PDE1C: variants seen among roughly 807,000 people sequenced by gnomAD.
The protein encoded by PDE1C is dual specificity calcium/calmodulin-dependent 3',5'-cyclic nucleotide phosphodiesterase 1C.
In PDE1C, 62 loss-of-function variants were observed where a neutral mutation model predicts 93.1. That is an observed-to-expected ratio of 0.67 (90% CI 0.54 to 0.82). The LOEUF (loss-of-function observed/expected upper bound fraction) is 0.82, where lower values mean the gene tolerates loss of function less well. Among genes scored for constraint, PDE1C ranks in the 40% least tolerant of loss-of-function variants. PDE1C has a pLI of 0.00. For missense variants in PDE1C, 742 were observed against 884.6 expected (o/e 0.84, Z 2.04); for synonymous variants, 325 against 310.1 (o/e 1.05, Z -0.50).
chr7:31,735,389 ACT>A, the PDE1C span, among the ~76,000 whole-genome samples: 5 of 143,244 alleles, frequency 3.5e-5, no homozygotes, highest in African/African-American at 5.2e-5. Flanking sequence ...CAAGAGTGAA[ACT>A]CTGTCTCAAA....
chr7:31,925,334 T>G (rs1803233109), intron 2 of PDE1C, among the ~76,000 whole-genome samples: 1 of 152,194 alleles, frequency 6.6e-6, no homozygotes, highest in African/African-American at 2.4e-5. Flanking sequence ...GTTAAATATT[T>G]AATTTGTTAA....
intron 2 of PDE1C, among the ~76,000 whole-genome samples, chr7:31,954,083 G>A (rs752645111): frequency 9.9e-5 from 15 of 152,208 alleles, no homozygotes; most frequent in Admixed American, 2.0e-4. Context: ...GTGTAGCCAA[G>A]TGGCTAATGA....
chr7:31,784,379 AT>A (rs1783699784), intron 16 of PDE1C: 1 of 152,150 alleles, frequency 6.6e-6, no homozygotes, highest in East Asian at 1.9e-4. Context: ...TGGGTAATTG[AT>A]TTCCCATAAA....
At chr7:31,648,098 A>C in the PDE1C span, among the ~76,000 whole-genome samples, 1 of 152,224 alleles carries the variant, frequency 6.6e-6, no homozygotes, top group African/African-American at 2.4e-5. Flanking sequence ...ATCAGAAATA[A>C]GATTTCTGAA....
chr7:31,822,670 C>G (rs2128737022), intron 14 of PDE1C, among the ~76,000 whole-genome samples: 1 of 152,156 alleles, frequency 6.6e-6, no homozygotes, highest in Middle Eastern at 3.4e-3. Flanking sequence ...TCCTTATATC[C>G]CAACATAATG....
intron 2 of PDE1C, among the ~76,000 whole-genome samples, chr7:31,946,718 C>A (rs944458840): frequency 6.6e-6 from 1 of 152,234 alleles, no homozygotes; most frequent in Non-Finnish European, 1.5e-5. Flanking sequence ...AACCTCCACA[C>A]TAGTGTTGGC....
intron 2 of PDE1C, among the ~76,000 whole-genome samples, chr7:31,984,004 CA>C (rs1783045756): frequency 6.6e-6 from 1 of 151,832 alleles, no homozygotes; most frequent in Admixed American, 6.6e-5. Flanking sequence ...AGAAAGGGAG[CA>C]AAAGGGCTGG....
At chr7:31,722,112 A>T in the PDE1C span, among the ~76,000 whole-genome samples, 1 of 151,896 alleles carries the variant, frequency 6.6e-6, no homozygotes, top group African/African-American at 2.4e-5. Context: ...CCCTTCTCTT[A>T]CTTTTTCCCT....
intron 1 of PDE1C, among the ~76,000 whole-genome samples, chr7:32,394,135 G>C (rs748023075): frequency 1.3e-5 from 2 of 152,206 alleles, no homozygotes; most frequent in Non-Finnish European, 2.9e-5. Context: ...CCTCTACATA[G>C]AGACCCCTGA....
At chr7:32,054,136 G>A (rs1165828316) in intron 1 of PDE1C, among the ~76,000 whole-genome samples, 1 of 151,994 alleles carries the variant, frequency 6.6e-6, no homozygotes, top group African/African-American at 2.4e-5. Flanking sequence ...ATACCCAGGG[G>A]GAGTGTCACC....
intron 1 of PDE1C, among the ~76,000 whole-genome samples, chr7:32,410,684 GAA>G (rs569323553): frequency 1.4e-3 from 213 of 152,072 alleles, no homozygotes; most frequent in Middle Eastern, 3.4e-3. Flanking sequence ...GAAGCTGAGA[GAA>G]GAGAGAGCTG....
intron 2 of PDE1C, among the ~76,000 whole-genome samples, chr7:31,986,735 G>A (rs1369664706): frequency 2.0e-5 from 3 of 152,040 alleles, no homozygotes; most frequent in East Asian, 3.9e-4. Flanking sequence ...CCCCAGGGTC[G>A]ATGGAAGGAG....
intron 1 of PDE1C, among the ~76,000 whole-genome samples, chr7:32,382,473 G>A (rs1383429191): frequency 6.6e-6 from 1 of 152,164 alleles, no homozygotes; most frequent in East Asian, 1.9e-4. Flanking sequence ...AAGGCTTTTA[G>A]TTGTGCCACA....
intron 16 of PDE1C, among the ~76,000 whole-genome samples, chr7:31,795,746 T>C (rs1337400804): frequency 3.3e-5 from 5 of 151,756 alleles, no homozygotes; most frequent in Non-Finnish European, 5.9e-5. Context: ...ATAACACAAT[T>C]TATTTAAACC....
intron 3 of PDE1C, among the ~76,000 whole-genome samples, chr7:32,110,348 G>C (rs1043093739): frequency 6.6e-6 from 1 of 152,166 alleles, no homozygotes; most frequent in African/African-American, 2.4e-5. Flanking sequence ...AAAACCATCA[G>C]ATCTCATGAG....
chr7:32,282,510 A>ATAGATAGATAGATAGATAGATAGATAGG (rs1811727625), intron 1 of PDE1C, among the ~76,000 whole-genome samples: 1 of 151,994 alleles, frequency 6.6e-6, no homozygotes, highest in Non-Finnish European at 1.5e-5. Context: ...AGATAGATAG[A>ATAGATAGATAGATAGATAGATAGATAGG]TGGTCAATTA....
chr7:31,759,972 A>G (rs1226355614), intron 17 of PDE1C, among the ~76,000 whole-genome samples: 1 of 151,916 alleles, frequency 6.6e-6, no homozygotes, highest in African/African-American at 2.4e-5. Flanking sequence ...GTTGTACAGA[A>G]TTATTTTTCT....
At chr7:31,667,945 G>A in the PDE1C span, among the ~76,000 whole-genome samples, 1 of 152,002 alleles carries the variant, frequency 6.6e-6, no homozygotes, top group Non-Finnish European at 1.5e-5. Context: ...AATAAAAGGA[G>A]AGGGAGGATA....
intron 1 of PDE1C, among the ~76,000 whole-genome samples, chr7:32,276,935 A>G (rs1038530885): frequency 6.6e-6 from 1 of 152,094 alleles, no homozygotes; most frequent in South Asian, 2.1e-4. Flanking sequence ...GGGGGAAAAA[A>G]TCCCTATACC....
Sources: allele counts gnomAD v4.1 joint callset (sites outside exome capture counted in the v4.1 genomes callset), GRCh38; gene constraint gnomAD v4.1.1; transcripts MANE v1.5; gene names NCBI Gene and HGNC (gene_info 2026-07-23, HGNC 2026-07-21).